The following ANXA5 variants were observed in gnomAD, a reference collection of about 807,000 sequenced individuals.
ANXA5 encodes the protein CBP-I.
Under a neutral mutation model 48.1 loss-of-function variants are expected in ANXA5, and 40 were observed. The ratio of observed to expected loss-of-function variants is 0.83; its 90% CI spans 0.65 to 1.08. The LOEUF is 1.08. Ranked by LOEUF, ANXA5 falls within the 50% of genes least tolerant of loss-of-function variation. The pLI is 0.00. For missense variants in ANXA5, 357 were observed against 376.8 expected (o/e 0.95, Z 0.44); for synonymous variants, 113 against 129.1 (o/e 0.88, Z 0.85).
At position 121,689,521 on chromosome 4, in the gene ANXA5, G is replaced by A. The variant is rs17051388; in HGVS notation, c.10-3149C>T. On this transcript the variant is annotated intron_variant, in intron 2 of 12. Coordinates refer to ENST00000296511, the MANE Select transcript of ANXA5 (RefSeq NM_001154.4). ...GGAAGTGTGAAAAGAGAAAAAATTC[G>A]GAAAAAAATTCCAAACAGTCTTGAA... Among the ~76,000 whole-genome samples the A allele has an allele frequency of 2.4e-4, 37 of 152,224 alleles. No homozygotes were observed. In the East Asian group the frequency reaches 4.8e-3, roughly 20 times the overall value.
intron 10 of ANXA5, 57 bp downstream of exon 10, chr4:121,671,490 G>T: frequency 7.7e-7 from 1 of 1,295,914 alleles, no homozygotes; most frequent in Non-Finnish European, 1.1e-6. Context: ...AGCCTCAATT[G>T]AATAAAATGC....
At chr4:121,691,321 T>G (rs1724980687) in intron 2 of ANXA5, among the ~76,000 whole-genome samples, 1 of 8,848 alleles carries the variant, frequency 1.1e-4, no homozygotes, top group South Asian at 0.056. Flanking sequence ...GGACTAGGTA[T>G]GCCAAAAAAA....
At chr4:121,696,519 C>A in intron 2 of ANXA5, 62 bp downstream of exon 2, 1 of 1,316,244 alleles carries the variant, frequency 7.6e-7, no homozygotes, top group South Asian at 2.9e-5. Context: ...TCCTAAAAGT[C>A]CCTCGTCGCA....
intron 8 of ANXA5, among the ~76,000 whole-genome samples, chr4:121,673,955 G>C (rs111654853): frequency 1.3e-5 from 2 of 151,922 alleles, no homozygotes; most frequent in Non-Finnish European, 2.9e-5. Flanking sequence ...GCTGAGGCAG[G>C]TGGATCGCTT....
At chr4:121,684,607 T>C in intron 4 of ANXA5, 70 bp downstream of exon 4, 1 of 1,266,586 alleles carries the variant, frequency 7.9e-7, no homozygotes. Context: ...AGAATATCAG[T>C]ATATTCCAAA....
At position 121,672,532 on chromosome 4, in the gene ANXA5, C is replaced by A; in HGVS notation, c.625+1G>T. ...GCCCCATACAGATTTTTTTCACTCA[C>A]CCTTTCTCAAATGAGACACACTTCG... On this transcript the variant is annotated splice_donor_variant, in intron 9 of 12. Transcript: ENST00000296511. LOFTEE classifies it high-confidence loss of function. 2 of 1,612,340 alleles carry A rather than the reference C, an allele frequency of 1.2e-6. No individual in the cohort carries two copies. Among genetic ancestry groups the A allele is most frequent in the Non-Finnish European group, 8.5e-7 (1 of 1,178,796 alleles).
chr4:121,674,309 G>A (rs1219543036), intron 8 of ANXA5, among the ~76,000 whole-genome samples: 16 of 144,828 alleles, frequency 1.1e-4, no homozygotes, highest in Admixed American at 1.1e-3. Context: ...GAAATGGGAG[G>A]GGAAGGAAAG....
At chr4:121,696,505 CAA>C in intron 2 of ANXA5, 74 bp downstream of exon 2, 1 of 1,291,168 alleles carries the variant, frequency 7.7e-7, no homozygotes, top group Non-Finnish European at 1.0e-6. Flanking sequence ...GGCTCTCAGA[CAA>C]ATCCTAAAAG....
chr4:121,693,779 G>A (rs561236162), intron 2 of ANXA5, among the ~76,000 whole-genome samples: 1 of 152,284 alleles, frequency 6.6e-6, no homozygotes, highest in Non-Finnish European at 1.5e-5. Flanking sequence ...GGGTAAACAG[G>A]TAACCCTGAT....
At position 121,678,454 on chromosome 4, in the gene ANXA5, A is replaced by T; in HGVS notation, c.435T>A (p.Thr145=). The change falls in exon 7 of 13, where the codon ACT becomes ACA. Residue 145 remains threonine (T), a synonymous_variant. Coordinates refer to ENST00000296511, the MANE Select transcript of ANXA5 (RefSeq NM_001154.4). ...CCAACATCCGCTGGTAGTACCCTGA[A>T]GTGTCCCCCACCACGTCATCTTCCA... The part of the protein sequence containing the change: ...SSLEDDVVGD[T]SGYYQRMLVV... 6.2e-7 allele frequency: 1 copy of T among 1,613,846 alleles called. No individual in the cohort carries two copies. Among genetic ancestry groups the T allele is most frequent in the South Asian group, 1.1e-5 (1 of 91,004 alleles).
chr4:121,680,893 G>C (rs1724782571), intron 6 of ANXA5, among the ~76,000 whole-genome samples: 1 of 152,080 alleles, frequency 6.6e-6, no homozygotes, highest in South Asian at 2.1e-4. Flanking sequence ...TTGCTGTTTT[G>C]ACTTGCTGGG....
At chr4:121,674,025 A>G (rs7660705) in intron 8 of ANXA5, among the ~76,000 whole-genome samples, 58,206 of 150,876 alleles carry the variant, frequency 0.39, 13,400 homozygotes, top group East Asian at 0.69. Context: ...TACTAAAAAT[A>G]CAAAACTTAT....
intron 8 of ANXA5, among the ~76,000 whole-genome samples, chr4:121,674,491 G>T (rs928372881): frequency 6.6e-6 from 1 of 152,120 alleles, no homozygotes; most frequent in South Asian, 2.1e-4. Context: ...GACTCATCTT[G>T]TACAATATCA....
intron 3 of ANXA5, among the ~76,000 whole-genome samples, chr4:121,685,482 C>T (rs1724870289): frequency 6.6e-6 from 1 of 152,092 alleles, no homozygotes; most frequent in Admixed American, 6.6e-5. Context: ...GAGAGAAAAG[C>T]TCAGCAGTGG....
intron 2 of ANXA5, among the ~76,000 whole-genome samples, chr4:121,692,122 GT>G (rs1328867633): frequency 2.6e-5 from 4 of 152,084 alleles, no homozygotes; most frequent in African/African-American, 9.6e-5. Context: ...CATCTTACTT[GT>G]TTTTGCTTCT....
intron 2 of ANXA5, among the ~76,000 whole-genome samples, chr4:121,689,021 T>A (rs747943712): frequency 5.4e-4 from 82 of 152,240 alleles, no homozygotes; most frequent in Non-Finnish European, 1.1e-3. Context: ...GACCAATAGA[T>A]TCCCTGCCAT....
chr4:121,696,593 G>C lies in ANXA5; in HGVS notation c.-4C>G. ...CGCACGGCCTTACCTGTGCCATGGC[G>C]ACTACTCAGGTCAGGGGAAGGTGAA... On this transcript the variant is annotated 5_prime_UTR_variant, in exon 2 of 13. Transcript: ENST00000296511. The C allele has an allele frequency of 7.0e-7, 1 of 1,429,914 alleles. No individual in the cohort carries two copies. The highest frequency in any genetic ancestry group is 9.2e-7 in the Non-Finnish European group (1 of 1,081,406). The allele number at this position is 1,429,914 out of a possible 1,614,324, so 88.6% of individuals were successfully genotyped here. A position where few individuals can be genotyped will look rare whatever the true frequency, so the allele number is the denominator to read the frequency against.
At chr4:121,678,328 G>T in intron 7 of ANXA5, 87 bp downstream of exon 7, 1 of 1,068,364 alleles carries the variant, frequency 9.4e-7, no homozygotes, top group South Asian at 1.4e-5. Flanking sequence ...ATTATTAAAA[G>T]AATTTTAAGT....
chr4:121,675,933 C>T (rs1724691241), intron 8 of ANXA5, among the ~76,000 whole-genome samples: 1 of 152,184 alleles, frequency 6.6e-6, no homozygotes, highest in African/African-American at 2.4e-5. Flanking sequence ...CCTCAGGAGC[C>T]TCGTGCTGCA....
Sources: gnomAD v4.1 joint callset for allele counts (sites outside exome capture counted in the v4.1 genomes callset) on GRCh38, gnomAD v4.1.1 for gene constraint, MANE v1.5 for transcripts, NCBI Gene and HGNC (gene_info 2026-07-23, HGNC 2026-07-21) for gene names.